EPHB4: variants seen among roughly 807,000 people sequenced by gnomAD.
The protein encoded by EPHB4 is ephrin type-B receptor 4.
EPHB4 carries 50 observed loss-of-function variants against 110.6 expected under a neutral mutation model. The ratio of observed to expected loss-of-function variants is 0.45; its 90% CI spans 0.36 to 0.57. EPHB4 has a LOEUF of 0.57. Among genes scored for constraint, EPHB4 ranks in the 20% least tolerant of loss-of-function variants. EPHB4 has a pLI of 0.00. For missense variants in EPHB4, 1,128 were observed against 1,382.1 expected (o/e 0.82, Z 2.91); for synonymous variants, 592 against 578.4 (o/e 1.02, Z -0.34).
At chr7:100,810,553 G>C (rs1812904612) in intron 12 of EPHB4, among the ~76,000 whole-genome samples, 1 of 152,016 alleles carries the variant, frequency 6.6e-6, no homozygotes, top group Non-Finnish European at 1.5e-5. Flanking sequence ...ACCAGCCTGG[G>C]CAACATAGCG....
chr7:100,806,102 G>GCGTGTACCAC, intron 14 of EPHB4: 1 of 252,526 alleles, frequency 4.0e-6, no homozygotes, highest in Admixed American at 5.2e-5. Flanking sequence ...GGGATTACAG[G>GCGTGTACCAC]CACCCGCCCA....
chr7:100,808,164 C>T (rs1281297623), intron 12 of EPHB4, among the ~76,000 whole-genome samples: 2 of 152,208 alleles, frequency 1.3e-5, no homozygotes, highest in Non-Finnish European at 2.9e-5. Flanking sequence ...ACTTTTCCTT[C>T]CATTTAACCT....
chr7:100,823,314 CAA>C (rs1245080241), intron 3 of EPHB4, among the ~76,000 whole-genome samples: 2 of 152,002 alleles, frequency 1.3e-5, no homozygotes, highest in Non-Finnish European at 2.9e-5. Context: ...ATCACCGCTG[CAA>C]AGTCTTGAGC....
At chr7:100,826,707 A>G in intron 1 of EPHB4, 1 of 386,726 alleles carries the variant, frequency 2.6e-6, no homozygotes, top group Non-Finnish European at 4.7e-6. Flanking sequence ...GGGCGTATGT[A>G]ATCAGCAGTG....
chr7:100,805,426 C>A, intron 15 of EPHB4, 75 bp downstream of exon 15: 2 of 1,566,872 alleles, frequency 1.3e-6, no homozygotes, highest in Non-Finnish European at 1.7e-6. Flanking sequence ...CCACCCAACA[C>A]CAATGAACGG....
At chr7:100,818,419 G>A (rs1186669723) in intron 7 of EPHB4, 101 bp downstream of exon 7, 4 of 1,536,242 alleles carry the variant, frequency 2.6e-6, no homozygotes, top group East Asian at 2.3e-5. Context: ...CCATGGCAGA[G>A]CTGGAATTCA....
At chr7:100,818,788 C>T (rs1426300616) in intron 6 of EPHB4, 144 bp from the exon 7 acceptor site, 18 of 1,071,788 alleles carry the variant, frequency 1.7e-5, no homozygotes, top group African/African-American at 6.4e-5. Flanking sequence ...CTGCAACCTC[C>T]GCCTCCTGGG....
chr7:100,818,599 C>T lies in EPHB4; in HGVS notation c.1343G>A (p.Ser448Asn). ...AACAGCCCAGGCCAGGCTCAAGCTG[C>T]TGGGTGAGGACCGCGTCACCCGGAT... ...SDIRVTRSSP[S>N]SLSLAWAVPR... Residue 448 changes from serine to asparagine, a missense_variant, in exon 7 of 17, where the codon AGC becomes AAC. By Grantham distance (46) the Ser-to-Asn change is conservative. This residue lies in a region of EPHB4 where 728 missense variants were observed against 828.6 expected (regional missense o/e 0.88). Transcript: ENST00000358173. 1 of 1,613,382 alleles carries T rather than the reference C, an allele frequency of 6.2e-7. No homozygotes were observed. The highest frequency in any genetic ancestry group is 8.5e-7 in the Non-Finnish European group (1 of 1,180,010).
intron 8 of EPHB4, among the ~76,000 whole-genome samples, chr7:100,815,109 A>C (rs778201263): frequency 3.3e-5 from 5 of 151,964 alleles, no homozygotes; most frequent in Non-Finnish European, 7.4e-5. Flanking sequence ...GCCTGAGCTC[A>C]GGAGTTCGAG....
rs367628554 is a variant in EPHB4 at position 100,807,375 on chromosome 7, G to A, written c.2324C>T (p.Thr775Met). The change falls in exon 13 of 17, where the codon ACG (threonine) becomes ATG (methionine). Residue 775 changes from threonine to methionine, a missense_variant. Thr to Met is a moderately conservative substitution (Grantham distance 81). This residue lies in a region of EPHB4 where 191 missense variants were observed against 313.0 expected (regional missense o/e 0.61). Transcript: ENST00000358173. ...TACCCCCAGCATTACCAGGGAGCTC[G>A]TGTAGGTGGGATCGGAAGAGTTCTC... is the stretch of plus-strand genomic sequence containing the variant. The part of the protein sequence containing the change: ...LEENSSDPTY[T>M]SSLGGKIPIR... 2.5e-5 allele frequency: 40 copies of A among 1,613,584 alleles called. No individual in the cohort carries two copies. Among genetic ancestry groups the A allele is most frequent in the Middle Eastern group, 1.6e-4 (1 of 6,084 alleles).
intron 13 of EPHB4, 131 bp from the exon 14 acceptor site, chr7:100,806,700 C>A: frequency 8.9e-7 from 1 of 1,122,212 alleles, no homozygotes; most frequent in Non-Finnish European, 1.2e-6. Flanking sequence ...TCCTACTCTC[C>A]AACTCTGTTT....
Position 100,813,680 on chromosome 7 carries a change from G to C in EPHB4, c.1728C>G (p.Asp576Glu), listed in dbSNP as rs36050247. The C allele has an allele frequency of 2.8e-4, 456 of 1,614,138 alleles. 2 individuals carry two copies. In the East Asian group the frequency reaches 9.7e-3, roughly 34 times the overall value. ...QSNGREAEYS[D>E]KHGQYLIGHG... ...GTCCGATGAGATACTGTCCGTGTTT[G>C]TCCGAATATTCTGCTTCTCTCCCAT... is the stretch of plus-strand genomic sequence containing the variant. Residue 576 changes from aspartate to glutamate, a missense_variant, in exon 10 of 17, where the codon GAC becomes GAG. Coordinates refer to ENST00000358173, the MANE Select transcript of EPHB4 (RefSeq NM_004444.5).
intron 4 of EPHB4, 54 bp from the exon 5 acceptor site, chr7:100,820,350 G>C: frequency 6.4e-7 from 1 of 1,560,194 alleles, no homozygotes; most frequent in Non-Finnish European, 8.7e-7. Context: ...CCATCTGCAC[G>C]GTGGGCTCGG....
chr7:100,812,336 T>G (rs553300058), intron 12 of EPHB4, among the ~76,000 whole-genome samples: 5 of 152,020 alleles, frequency 3.3e-5, no homozygotes, highest in Non-Finnish European at 5.9e-5. Context: ...ACACCTGTAA[T>G]ACCAGCACTT....
chr7:100,805,205 C>T lies in EPHB4; in HGVS notation c.2795G>A (p.Gly932Asp), dbSNP rs1812789744. ...GRYEESFAAAGFGSFELVSQI... is the reference protein window; with the variant it reads ...GRYEESFAAADFGSFELVSQI... ...GCTGACCAGCTCGAAGGAGCCAAAG[C>T]CAGCGGCTGCGAAACTTTCTTCGTA... is the stretch of plus-strand genomic sequence containing the variant. The change falls in exon 16 of 17, where the codon GGC (glycine) becomes GAC (aspartate). Residue 932 changes from glycine to aspartate, a missense_variant. Gly to Asp is a moderately conservative substitution (Grantham distance 94, BLOSUM62 -1). Around this residue, in one of 3 missense-constraint regions of EPHB4, gnomAD observed 209 missense variants for 240.5 expected, o/e 0.87. Transcript: ENST00000358173. The T allele has an allele frequency of 6.2e-7, 1 of 1,613,004 alleles. No homozygotes were observed. Among genetic ancestry groups the T allele is most frequent in the Admixed American group, 1.7e-5 (1 of 59,866 alleles).
chr7:100,824,441 C>T, intron 1 of EPHB4, 168 bp from the exon 2 acceptor site: 5 of 680,426 alleles, frequency 7.3e-6, no homozygotes, highest in Non-Finnish European at 1.0e-5. Context: ...GATTTCTGGC[C>T]TCTTCTGCTA....
chr7:100,816,859 G>A (rs905394724), intron 8 of EPHB4, among the ~76,000 whole-genome samples: 11 of 151,700 alleles, frequency 7.3e-5, no homozygotes, highest in East Asian at 3.9e-4. Context: ...CGAGGCGGGC[G>A]AATCACAAGG....
At chr7:100,810,998 C>T (rs999059427) in intron 12 of EPHB4, among the ~76,000 whole-genome samples, 1 of 151,698 alleles carries the variant, frequency 6.6e-6, no homozygotes, top group Admixed American at 6.6e-5. Context: ...GCCTGTAATC[C>T]CAGCACTTTG....
intron 15 of EPHB4, 45 bp downstream of exon 15, chr7:100,805,456 G>C (rs776907382): frequency 7.2e-6 from 11 of 1,537,040 alleles, no homozygotes; most frequent in Admixed American, 6.1e-5. Flanking sequence ...GGCAAGGAGT[G>C]GGGGCAGAGA....
Sources: gnomAD v4.1 joint callset for allele counts (sites outside exome capture counted in the v4.1 genomes callset) on GRCh38, gnomAD v4.1.1 for gene constraint, gnomAD v4.1.1 regional missense constraint, MANE v1.5 for transcripts, NCBI Gene and HGNC (gene_info 2026-07-23, HGNC 2026-07-21) for gene names.